ITGAV: variants seen among roughly 807,000 people sequenced by gnomAD.
The protein encoded by ITGAV is integrin subunit alpha V.
ITGAV carries 76 observed loss-of-function variants against 143.8 expected under a neutral mutation model. That is an observed-to-expected ratio of 0.53 (90% confidence interval 0.44 to 0.64). The LOEUF is 0.64. Among genes scored for constraint, ITGAV ranks in the 30% least tolerant of loss-of-function variants. The probability of loss-of-function intolerance (pLI) is 0.00; values close to 1 mark genes in which losing one functional copy is unlikely to be tolerated. For synonymous variants in ITGAV, 453 were observed against 446.7 expected, an observed-to-expected ratio of 1.01 and a Z score of -0.18; for missense variants, 1,193 against 1,274.7, an observed-to-expected ratio of 0.94 and a Z score of 0.98.
chr2:186,661,587 T>A (rs1688746242), intron 18 of ITGAV, among the ~76,000 whole-genome samples: 1 of 94,060 alleles, frequency 1.1e-5, no homozygotes, highest in South Asian at 3.3e-4. Flanking sequence ...CATTAAGTTT[T>A]TTTTGTTTTT....
Position 186,663,892 on chromosome 2 carries a change from T to C in ITGAV, c.1925+57T>C, listed in dbSNP as rs577771226. On this transcript the variant is annotated intron_variant, in intron 19 of 29. Transcript: ENST00000261023. ...GAAATTTAAATGGAAGGGCACATTTTTCTATTCAAAGGACTAACATATTTT... is the reference window on the plus strand; with the variant it reads ...GAAATTTAAATGGAAGGGCACATTTCTCTATTCAAAGGACTAACATATTTT... 6 of 1,183,020 alleles carry C rather than the reference T, an allele frequency of 5.1e-6. No homozygotes were observed. The South Asian group carries it at 7.5e-5, about 15-fold the overall frequency. The allele number at this position is 1,183,020 out of a possible 1,614,324, so 73.3% of individuals were successfully genotyped here.
intron 2 of ITGAV, among the ~76,000 whole-genome samples, chr2:186,603,400 T>C (rs944515518): frequency 2.0e-5 from 3 of 152,178 alleles, no homozygotes; most frequent in African/African-American, 7.2e-5. Context: ...CCAAAATGAT[T>C]GTTAGTCATT....
intron 4 of ITGAV, among the ~76,000 whole-genome samples, chr2:186,626,549 G>T (rs1272670651): frequency 6.6e-6 from 1 of 152,176 alleles, no homozygotes; most frequent in Non-Finnish European, 1.5e-5. Flanking sequence ...TCCTACATTT[G>T]TTTTGTCCAT....
chr2:186,594,949 A>G lies in ITGAV; in HGVS notation c.185+4426A>G, dbSNP rs2105645391. On this transcript the variant is annotated intron_variant, in intron 1 of 29. Coordinates refer to ENST00000261023, the MANE Select transcript of ITGAV (RefSeq NM_002210.5). ...TCCTATATTACTTCTGATTAAGGAC[A>G]TATGATGTTTCATAGAGCATTATGA... Among the ~76,000 whole-genome samples the G allele has an allele frequency of 2.0e-5, 3 of 152,362 alleles. No homozygotes were observed. In the Middle Eastern group the frequency reaches 0.01, roughly 518 times the overall value.
At chr2:186,601,233 T>G (rs1020273713) in intron 1 of ITGAV, among the ~76,000 whole-genome samples, 2 of 151,982 alleles carry the variant, frequency 1.3e-5, no homozygotes, top group Non-Finnish European at 2.9e-5. Flanking sequence ...AATTTTTTAT[T>G]AAATAGTCAA....
Position 186,654,630 on chromosome 2 carries a change from T to C in ITGAV, c.1506-20T>C. ...TAAACTGAATTATAGAATTTATGTA[T>C]GTTTTTTATTTTTCCACAGTTTTAA... On this transcript the variant is annotated intron_variant, in intron 15 of 29. Transcript: ENST00000261023. 7.6e-7 allele frequency: 1 copy of C among 1,320,416 alleles called. No homozygotes were observed. 81.8% of individuals were successfully genotyped at this position (1,320,416 alleles called of 1,614,324 possible).
intron 1 of ITGAV, among the ~76,000 whole-genome samples, chr2:186,594,104 A>G (rs1044043325): frequency 1.3e-5 from 2 of 152,176 alleles, no homozygotes; most frequent in African/African-American, 4.8e-5. Flanking sequence ...TCATGTTTGC[A>G]ATATCTGGAA....
At chr2:186,593,223 T>C (rs1031732574) in intron 1 of ITGAV, among the ~76,000 whole-genome samples, 3 of 152,196 alleles carry the variant, frequency 2.0e-5, no homozygotes, top group African/African-American at 7.2e-5. Flanking sequence ...TTGGGGAAGC[T>C]GTAGAATTAT....
chr2:186,651,511 C>G (rs1688429001), intron 14 of ITGAV, among the ~76,000 whole-genome samples: 1 of 152,054 alleles, frequency 6.6e-6, no homozygotes, highest in Non-Finnish European at 1.5e-5. Context: ...TAGAAATATT[C>G]TATGCATTAA....
chr2:186,663,528 A>AAGGTT (rs1688804884), intron 18 of ITGAV, among the ~76,000 whole-genome samples: 1 of 152,130 alleles, frequency 6.6e-6, no homozygotes. Context: ...GTTCCAAGGA[A>AAGGTT]CTGTATCATA....
At chr2:186,652,117 T>C (rs143155465) in intron 15 of ITGAV, 28 bp downstream of exon 15, 2 of 1,272,708 alleles carry the variant, frequency 1.6e-6, no homozygotes, top group African/African-American at 1.5e-5. Flanking sequence ...ATAATAGTTA[T>C]TATTGTGATT....
At chr2:186,638,823 T>C (rs2105707935) in intron 10 of ITGAV, among the ~76,000 whole-genome samples, 1 of 151,968 alleles carries the variant, frequency 6.6e-6, no homozygotes, top group East Asian at 1.9e-4. Context: ...ATATTCTAGA[T>C]ATAAGATGGG....
intron 1 of ITGAV, among the ~76,000 whole-genome samples, chr2:186,601,699 A>G (rs931895812): frequency 6.6e-6 from 1 of 152,068 alleles, no homozygotes; most frequent in Non-Finnish European, 1.5e-5. Context: ...GGCAGCATAC[A>G]TTTTTAAGAG....
chr2:186,600,398 T>A, intron 1 of ITGAV: 1 of 1,535,806 alleles, frequency 6.5e-7, no homozygotes, highest in Non-Finnish European at 8.8e-7. Context: ...TCCTTAGAAA[T>A]AACTTCTCTG....
In ITGAV at chr2:186,677,355, A is replaced by G. The variant is rs77451111; in HGVS notation, c.*63A>G. 503 of 1,271,640 alleles carry G rather than the reference A, an allele frequency of 4.0e-4. 5 individuals are homozygous for G. The East Asian group carries it at 0.012, about 29-fold the overall frequency. 78.8% of individuals were successfully genotyped at this position (1,271,640 alleles called of 1,614,324 possible). A position where few individuals can be genotyped will look rare whatever the true frequency, so the allele number is the denominator to read the frequency against. ...GAATTAGCAACTTTATTATAGATTT[A>G]AACTTTCTTCATGAGGAGTAAAAAT... On this transcript the variant is annotated 3_prime_UTR_variant, in exon 30 of 30. Coordinates refer to ENST00000261023, the MANE Select transcript of ITGAV (RefSeq NM_002210.5).
intron 22 of ITGAV, 57 bp downstream of exon 22, chr2:186,666,840 A>G (rs1688912244): frequency 2.2e-6 from 2 of 912,542 alleles, no homozygotes; most frequent in East Asian, 5.4e-5. Flanking sequence ...TTTGTTGTAA[A>G]TATACTATGT....
At position 186,677,307 on chromosome 2, in the gene ITGAV, T is replaced by G; in HGVS notation, c.*15T>G. On this transcript the variant is annotated 3_prime_UTR_variant, in exon 30 of 30. Coordinates refer to ENST00000261023, the MANE Select transcript of ITGAV (RefSeq NM_002210.5). ...CAGAAACTTAACTGCAGTTTTTAAG[T>G]TATGCTACATCTTGACCCACTAGAA... 6.3e-7 allele frequency: 1 copy of G among 1,575,968 alleles called. No individual in the cohort carries two copies. Among genetic ancestry groups the G allele is most frequent in the Non-Finnish European group, 8.7e-7 (1 of 1,146,848 alleles).
chr2:186,673,524 C>T (rs1182361683), intron 26 of ITGAV, among the ~76,000 whole-genome samples: 2 of 152,062 alleles, frequency 1.3e-5, no homozygotes, highest in Non-Finnish European at 2.9e-5. Context: ...TAGTTCAGTT[C>T]ATGAACATGG....
chr2:186,614,829 A>G (rs1436913335), intron 2 of ITGAV, among the ~76,000 whole-genome samples: 7 of 151,940 alleles, frequency 4.6e-5, no homozygotes, highest in Admixed American at 2.0e-4. Flanking sequence ...TTTTCTCCTG[A>G]CAAATCTGTC....
Sources: allele counts gnomAD v4.1 joint callset (sites outside exome capture counted in the v4.1 genomes callset), GRCh38; gene constraint gnomAD v4.1.1; transcripts MANE v1.5; gene names NCBI Gene and HGNC (gene_info 2026-07-23, HGNC 2026-07-21).